The following GMPR variants were observed in gnomAD, a reference collection of about 807,000 sequenced individuals.
GMPR encodes the protein GMP reductase 1.
GMPR carries 31 observed loss-of-function variants against 38.4 expected under a neutral mutation model. The ratio of observed to expected loss-of-function variants is 0.81; its 90% confidence interval spans 0.61 to 1.09. The LOEUF is 1.09. Among genes scored for constraint, GMPR ranks in the 50% least tolerant of loss-of-function variants. The probability of loss-of-function intolerance (pLI) is 0.00; values close to 1 mark genes in which losing one functional copy is unlikely to be tolerated. For synonymous variants in GMPR, 162 were observed against 173.3 expected, an observed-to-expected ratio of 0.93 and a Z score of 0.51; for missense variants, 468 against 453.7, an observed-to-expected ratio of 1.03 and a Z score of -0.29.
intron 8 of GMPR, among the ~76,000 whole-genome samples, chr6:16,291,479 C>T (rs1018969110): frequency 5.3e-5 from 8 of 152,156 alleles, no homozygotes; most frequent in African/African-American, 1.2e-4. Flanking sequence ...CCACCTCGAC[C>T]TCCCAAAGTG....
intron 4 of GMPR, among the ~76,000 whole-genome samples, chr6:16,265,851 C>G (rs1043344164): frequency 6.6e-6 from 1 of 152,270 alleles, no homozygotes; most frequent in African/African-American, 2.4e-5. Context: ...TCGCTTGCTG[C>G]TGCTCGCTCT....
chr6:16,276,024 C>T (rs920035257), intron 5 of GMPR, among the ~76,000 whole-genome samples: 3 of 151,676 alleles, frequency 2.0e-5, no homozygotes, highest in Admixed American at 6.6e-5. Context: ...AAGCTGAGAT[C>T]GCACTACTGC....
chr6:16,283,521 G>A (rs1418184957), intron 6 of GMPR, among the ~76,000 whole-genome samples: 2 of 152,198 alleles, frequency 1.3e-5, no homozygotes, highest in Non-Finnish European at 2.9e-5. Context: ...CAGTTGTTTG[G>A]TCTACGCTGA....
At chr6:16,253,827 C>T (rs1419837165) in intron 3 of GMPR, among the ~76,000 whole-genome samples, 1 of 152,164 alleles carries the variant, frequency 6.6e-6, no homozygotes, top group Non-Finnish European at 1.5e-5. Flanking sequence ...GTTGATTGGC[C>T]ATTTCTCCTT....
At chr6:16,282,463 A>G (rs892198038) in intron 6 of GMPR, among the ~76,000 whole-genome samples, 1 of 152,272 alleles carries the variant, frequency 6.6e-6, no homozygotes, top group African/African-American at 2.4e-5. Context: ...AATAAGTATT[A>G]GCAGTAATGC....
At chr6:16,243,530 T>G (rs1758693320) in intron 1 of GMPR, among the ~76,000 whole-genome samples, 2 of 152,230 alleles carry the variant, frequency 1.3e-5, no homozygotes, top group South Asian at 4.1e-4. Flanking sequence ...TACCCCATGC[T>G]TTTTGAGCCA....
rs370683407 is a variant in GMPR, at chr6:16,290,502, G to C, written c.738G>C (p.Ser246=). Residue 246 remains serine, a synonymous_variant, in exon 8 of 9, where the codon TCG becomes TCC. Transcript: ENST00000259727. ...TTGTCATGCTGGGAGGAATGTTTTC[G>C]GGTCATACGGAGTGTGCTGGAGAAG... ...ADFVMLGGMF[S]GHTECAGEVF... is the part of the protein sequence containing the mutation. 2 of 1,614,012 alleles carry C rather than the reference G, an allele frequency of 1.2e-6. No homozygotes were observed. The highest frequency in any genetic ancestry group is 4.5e-5 in the East Asian group (2 of 44,874).
At position 16,264,560 on chromosome 6, in the gene GMPR, C is replaced by T. The variant is rs532581501; in HGVS notation, c.465+9825C>T. On this transcript the variant is annotated intron_variant, in intron 4 of 8. Transcript: ENST00000259727. ...GCTGTTTATTTCACCTGGGTGCAGGCGGGCTGAGTCCGAAAAGAGAGTCAG... is the reference window on the plus strand; with the variant it reads ...GCTGTTTATTTCACCTGGGTGCAGGTGGGCTGAGTCCGAAAAGAGAGTCAG... The T allele has an allele frequency of 3.6e-3, 549 of 151,788 alleles. 3 individuals carry two copies. Among genetic ancestry groups the T allele is most frequent in the Middle Eastern group, 6.8e-3 (2 of 296 alleles). The allele number at this position is 151,788 out of a possible 1,614,324, so 9.4% of individuals were successfully genotyped here.
chr6:16,253,914 A>G (rs904022656), intron 3 of GMPR, among the ~76,000 whole-genome samples: 1 of 151,472 alleles, frequency 6.6e-6, no homozygotes, highest in Non-Finnish European at 1.5e-5. Context: ...GCCGGTAGTC[A>G]TTATTTTTTT....
intron 8 of GMPR, among the ~76,000 whole-genome samples, chr6:16,292,374 C>T (rs1269107479): frequency 6.6e-6 from 1 of 152,006 alleles, no homozygotes; most frequent in Non-Finnish European, 1.5e-5. Flanking sequence ...CTTCAGTTCT[C>T]ATTCTCCTCA....
chr6:16,266,573 T>G (rs1759238709), intron 4 of GMPR, among the ~76,000 whole-genome samples: 1 of 150,924 alleles, frequency 6.6e-6, no homozygotes. Context: ...GAGGCCGAGA[T>G]GGGTGGATCA....
intron 4 of GMPR, among the ~76,000 whole-genome samples, chr6:16,265,244 T>C (rs1051385502): frequency 6.6e-6 from 1 of 152,224 alleles, no homozygotes; most frequent in Non-Finnish European, 1.5e-5. Context: ...TGAATCACCA[T>C]ACCTGGCCAG....
intron 7 of GMPR, chr6:16,290,078 CA>C (rs1406322467): frequency 1.8e-5 from 3 of 163,810 alleles, no homozygotes; most frequent in Non-Finnish European, 2.7e-5. Context: ...CTCAGCCTCC[CA>C]AAGTGCTAGG....
At chr6:16,277,361 A>G (rs1431262152) in intron 5 of GMPR, among the ~76,000 whole-genome samples, 1 of 152,120 alleles carries the variant, frequency 6.6e-6, no homozygotes, top group Non-Finnish European at 1.5e-5. Flanking sequence ...TTAGCATCCT[A>G]CAAGGTGGTG....
At chr6:16,246,170 C>T (rs1408836914) in intron 1 of GMPR, among the ~76,000 whole-genome samples, 1 of 152,136 alleles carries the variant, frequency 6.6e-6, no homozygotes, top group Non-Finnish European at 1.5e-5. Context: ...TTCTGTCAAG[C>T]CCACCCTTGT....
At chr6:16,267,719 G>A (rs1173156333) in intron 4 of GMPR, among the ~76,000 whole-genome samples, 1 of 152,216 alleles carries the variant, frequency 6.6e-6, no homozygotes, top group Non-Finnish European at 1.5e-5. Flanking sequence ...GGAGGTCCCT[G>A]TGTTGGCTCT....
intron 6 of GMPR, among the ~76,000 whole-genome samples, chr6:16,283,047 G>A (rs548726805): frequency 8.5e-5 from 13 of 152,272 alleles, no homozygotes; most frequent in African/African-American, 3.1e-4. Context: ...GACCCTAGGT[G>A]ATCTGCCTGC....
chr6:16,273,811 A>ATTTTTTT (rs772416416), intron 4 of GMPR, among the ~76,000 whole-genome samples: 3 of 112,832 alleles, frequency 2.7e-5, no homozygotes, highest in Non-Finnish European at 5.2e-5. Context: ...TCCCTCTAAG[A>ATTTTTTT]TTTTTTTTTT....
At chr6:16,256,550 AAG>A (rs1224786887) in intron 4 of GMPR, among the ~76,000 whole-genome samples, 173 of 151,082 alleles carry the variant, frequency 1.1e-3, no homozygotes, top group African/African-American at 4.1e-3. Context: ...AAAAAAAAAA[AAG>A]AGTTGTTCCA....
Sources: allele counts gnomAD v4.1 joint callset (sites outside exome capture counted in the v4.1 genomes callset), GRCh38; gene constraint gnomAD v4.1.1; transcripts MANE v1.5; gene names NCBI Gene and HGNC (gene_info 2026-07-23, HGNC 2026-07-21).